The following SLC44A5 variants were observed in gnomAD, a reference collection of about 807,000 sequenced individuals.
SLC44A5 encodes the protein solute carrier family 44 member 5, also known as choline transporter-like protein 5.
In SLC44A5, 57 loss-of-function variants were observed where a neutral mutation model predicts 101.8. That is an observed-to-expected ratio of 0.56 (90% CI 0.45 to 0.70). The LOEUF (loss-of-function observed/expected upper bound fraction) is 0.70, where lower values mean the gene tolerates loss of function less well. Among genes scored for constraint, SLC44A5 ranks in the 30% least tolerant of loss-of-function variants. SLC44A5 has a pLI of 0.00. For synonymous variants in SLC44A5, 281 were observed against 290.9 expected, an observed-to-expected ratio of 0.97 and a Z score of 0.35; for missense variants, 737 against 853.1, an observed-to-expected ratio of 0.86 and a Z score of 1.70.
intron 2 of SLC44A5, among the ~76,000 whole-genome samples, chr1:75,478,153 A>T (rs1557828257): frequency 6.6e-6 from 1 of 152,190 alleles, no homozygotes; most frequent in Admixed American, 6.5e-5. Context: ...AGCCAAACTA[A>T]GCTTCATAAG....
At chr1:75,506,452 T>C (rs979976698) in intron 2 of SLC44A5, among the ~76,000 whole-genome samples, 2 of 152,180 alleles carry the variant, frequency 1.3e-5, no homozygotes, top group African/African-American at 2.4e-5. Context: ...ATTGCTATTT[T>C]AATTATATTA....
At chr1:75,266,318 T>TACACACACACAC (rs61250669) in intron 6 of SLC44A5, among the ~76,000 whole-genome samples, 2,118 of 146,914 alleles carry the variant, frequency 0.014, 26 homozygotes, top group South Asian at 0.02. Context: ...GGCATAGAAA[T>TACACACACACAC]ACACACACAC....
chr1:75,477,120 C>T (rs554072537), intron 2 of SLC44A5, among the ~76,000 whole-genome samples: 12 of 152,288 alleles, frequency 7.9e-5, no homozygotes, highest in South Asian at 6.2e-4. Flanking sequence ...CTGCAGCCAC[C>T]GCTGCTGGTA....
At chr1:75,587,880 C>T (rs1007566264) in intron 1 of SLC44A5, among the ~76,000 whole-genome samples, 1 of 152,138 alleles carries the variant, frequency 6.6e-6, no homozygotes, top group Non-Finnish European at 1.5e-5. Context: ...GGTTTTACTG[C>T]GTCTGGCACT....
intron 20 of SLC44A5, among the ~76,000 whole-genome samples, chr1:75,214,282 T>C (rs1646918157): frequency 6.6e-6 from 1 of 152,030 alleles, no homozygotes; most frequent in Non-Finnish European, 1.5e-5. Flanking sequence ...TATTGTTCTC[T>C]GATTTTGTTC....
intron 2 of SLC44A5, among the ~76,000 whole-genome samples, chr1:75,478,992 T>C (rs1455555621): frequency 1.3e-5 from 2 of 152,220 alleles, no homozygotes; most frequent in African/African-American, 2.4e-5. Context: ...ATTGACCGCA[T>C]ACTTGGAAGT....
the SLC44A5 span, among the ~76,000 whole-genome samples, chr1:75,639,295 T>C: frequency 3.3e-5 from 5 of 152,120 alleles, no homozygotes; most frequent in Non-Finnish European, 7.4e-5. Flanking sequence ...CATCAAAACA[T>C]ACTGTGATAA....
At chr1:75,710,427 G>A in the SLC44A5 span, 1 of 151,540 alleles carries the variant, frequency 6.6e-6, no homozygotes, top group Non-Finnish European at 1.5e-5. Flanking sequence ...AGCCAGAAGT[G>A]GTAGCATATG....
intron 2 of SLC44A5, among the ~76,000 whole-genome samples, chr1:75,405,563 C>A (rs556145248): frequency 5.1e-4 from 77 of 152,226 alleles, no homozygotes; most frequent in African/African-American, 1.8e-3. Flanking sequence ...CACTCAAAAC[C>A]ATACAACTAC....
At chr1:75,582,148 G>C (rs1557931827) in intron 1 of SLC44A5, 1 of 764,054 alleles carries the variant, frequency 1.3e-6, no homozygotes, top group African/African-American at 1.7e-5. Flanking sequence ...ATATGGCACA[G>C]AAATTGCCTC....
At chr1:75,395,340 T>A (rs1662055323) in intron 3 of SLC44A5, among the ~76,000 whole-genome samples, 1 of 152,206 alleles carries the variant, frequency 6.6e-6, no homozygotes, top group Non-Finnish European at 1.5e-5. Flanking sequence ...TACTTTGTTT[T>A]AAGGTAGGAA....
chr1:75,706,050 C>T, the SLC44A5 span, among the ~76,000 whole-genome samples: 2 of 152,118 alleles, frequency 1.3e-5, no homozygotes, highest in African/African-American at 4.8e-5. Context: ...TTTGTTCCTT[C>T]CTTGTACTTT....
the SLC44A5 span, among the ~76,000 whole-genome samples, chr1:75,639,037 C>A: frequency 0.49 from 74,693 of 151,802 alleles, 19,618 homozygotes; most frequent in East Asian, 0.93. Flanking sequence ...GTGATTTCCA[C>A]GGGCTGAGGT....
the SLC44A5 span, among the ~76,000 whole-genome samples, chr1:75,682,061 C>G: frequency 2.0e-4 from 30 of 152,216 alleles, no homozygotes; most frequent in African/African-American, 7.0e-4. Flanking sequence ...TGTGAAGGAC[C>G]TCTTCAAGGA....
rs1347969428 is a variant in SLC44A5 at position 75,346,443 on chromosome 1, A to T, written c.53-6813T>A. Among the ~76,000 whole-genome samples the T allele has an allele frequency of 2.0e-5, 3 of 152,254 alleles. No homozygotes were observed. The East Asian group carries it at 5.8e-4, about 29-fold the overall frequency. On this transcript the variant is annotated intron_variant, in intron 3 of 23. Transcript: ENST00000370859. ...AGAAGCACCTCAAAAGAAAAAATATATAAAGCACTCAGGCTGCCTCTTAAC... is the reference window on the plus strand; with the variant it reads ...AGAAGCACCTCAAAAGAAAAAATATTTAAAGCACTCAGGCTGCCTCTTAAC...
chr1:75,705,705 T>C, the SLC44A5 span, among the ~76,000 whole-genome samples: 1 of 152,120 alleles, frequency 6.6e-6, no homozygotes, highest in African/African-American at 2.4e-5. Flanking sequence ...TGAGACAGAG[T>C]CTTGCTCTGT....
chr1:75,482,572 T>A (rs1234907760), intron 2 of SLC44A5, among the ~76,000 whole-genome samples: 1 of 152,184 alleles, frequency 6.6e-6, no homozygotes, highest in Non-Finnish European at 1.5e-5. Flanking sequence ...TGTTTCAGTT[T>A]CCTTGTCTGA....
chr1:75,703,238 T>G, the SLC44A5 span, among the ~76,000 whole-genome samples: 249 of 151,794 alleles, frequency 1.6e-3, 1 homozygote, highest in African/African-American at 5.7e-3. Flanking sequence ...CTATTCACAA[T>G]AGCAAAGACT....
chr1:75,420,876 C>T (rs1395824801), intron 2 of SLC44A5, among the ~76,000 whole-genome samples: 1 of 152,046 alleles, frequency 6.6e-6, no homozygotes, highest in African/African-American at 2.4e-5. Context: ...TTAAGAGTAT[C>T]TCTCAAAATA....
Sources: allele counts gnomAD v4.1 joint callset (sites outside exome capture counted in the v4.1 genomes callset), GRCh38; gene constraint gnomAD v4.1.1; transcripts MANE v1.5; gene names NCBI Gene and HGNC (gene_info 2026-07-23, HGNC 2026-07-21).